LMO7: variants seen among roughly 807,000 people sequenced by gnomAD.
LMO7 encodes LIM domain only protein 7.
LMO7 carries 120 observed loss-of-function variants against 206.5 expected under a neutral mutation model. The observed-to-expected ratio is 0.58, with a 90% CI of 0.50 to 0.68. LMO7 has a LOEUF of 0.68. Ranked by LOEUF, LMO7 falls within the 30% of genes least tolerant of loss-of-function variation. LMO7 has a pLI of 0.00. For synonymous variants in LMO7, 706 were observed against 681.5 expected, an observed-to-expected ratio of 1.04 and a Z score of -0.56; for missense variants, 1,959 against 1,957.9, an observed-to-expected ratio of 1.00 and a Z score of -0.01.
At chr13:75,726,827 T>C (rs959985996) in intron 2 of LMO7, among the ~76,000 whole-genome samples, 2 of 152,130 alleles carry the variant, frequency 1.3e-5, no homozygotes, top group African/African-American at 4.8e-5. Flanking sequence ...ATATAGACTA[T>C]GGAGAACAAC....
At chr13:75,758,464 C>A (rs1273306687) in intron 3 of LMO7, among the ~76,000 whole-genome samples, 2 of 152,166 alleles carry the variant, frequency 1.3e-5, no homozygotes, top group African/African-American at 4.8e-5. Flanking sequence ...CCATGTGTGA[C>A]TTTGTTTACA....
At chr13:75,826,424 G>A (rs975067830) in intron 15 of LMO7, among the ~76,000 whole-genome samples, 4 of 152,156 alleles carry the variant, frequency 2.6e-5, no homozygotes, top group Non-Finnish European at 4.4e-5. Context: ...AGGTGTTAGT[G>A]CATGCTACAC....
chr13:75,703,040 G>A (rs1455720702), intron 1 of LMO7, among the ~76,000 whole-genome samples: 4 of 152,102 alleles, frequency 2.6e-5, no homozygotes, highest in African/African-American at 9.7e-5. Context: ...TTATTCTTGA[G>A]CTACTGACAA....
At chr13:75,719,104 C>T (rs1159342155) in intron 2 of LMO7, among the ~76,000 whole-genome samples, 4 of 151,770 alleles carry the variant, frequency 2.6e-5, no homozygotes, top group African/African-American at 7.3e-5. Context: ...CTCAGCCTCT[C>T]GAGTAGCTGG....
intron 27 of LMO7, among the ~76,000 whole-genome samples, chr13:75,851,773 T>A (rs975492246): frequency 3.3e-5 from 5 of 152,228 alleles, no homozygotes; most frequent in Non-Finnish European, 5.9e-5. Flanking sequence ...ATATGTACTT[T>A]AAGGGAAGTG....
intron 24 of LMO7, 95 bp from the exon 25 acceptor site, chr13:75,842,756 G>A: frequency 1.3e-6 from 1 of 749,046 alleles, no homozygotes; most frequent in African/African-American, 1.7e-5. Context: ...TGCATAAAGA[G>A]GCTAGAATGA....
At chr13:75,708,966 G>C (rs1049502037) in intron 1 of LMO7, among the ~76,000 whole-genome samples, 61 of 150,912 alleles carry the variant, frequency 4.0e-4, no homozygotes, top group African/African-American at 1.4e-3. Context: ...CCCCACAACA[G>C]GCCCCGGTGT....
intron 3 of LMO7, among the ~76,000 whole-genome samples, chr13:75,735,455 T>A (rs2045725158): frequency 6.6e-6 from 1 of 152,014 alleles, no homozygotes; most frequent in African/African-American, 2.4e-5. Context: ...AAATTTAGTT[T>A]TTGAAGTCTG....
rs1593954955 is a variant in LMO7, at chr13:75,636,337, C to G, written c.-321C>G. 5.1e-6 allele frequency: 6 copies of G among 1,186,802 alleles called. No individual in the cohort carries two copies. In the South Asian group the frequency reaches 1.1e-4, roughly 22 times the overall value. 73.5% of individuals were successfully genotyped at this position (1,186,802 alleles called of 1,614,324 possible). Reference sequence around the variant, plus strand: ...CTGCGACTTTTGAAGTCCAAACTGTCGTCGGGGCTGGTGCCGCGCGCTGCC... The same window carrying G: ...CTGCGACTTTTGAAGTCCAAACTGTGGTCGGGGCTGGTGCCGCGCGCTGCC... On this transcript the variant is annotated 5_prime_UTR_variant, in exon 1 of 31. Transcript: ENST00000377534.
At chr13:75,679,669 C>G (rs150291481) in intron 1 of LMO7, among the ~76,000 whole-genome samples, 1 of 152,170 alleles carries the variant, frequency 6.6e-6, no homozygotes, top group Non-Finnish European at 1.5e-5. Context: ...CAGCCTTGAC[C>G]TCCTGGACTT....
At chr13:75,633,221 C>T (rs937586998), upstream of LMO7, among the ~76,000 whole-genome samples, 2 of 152,142 alleles carry the variant, frequency 1.3e-5, no homozygotes, top group African/African-American at 2.4e-5. Flanking sequence ...TTTCTTTCAT[C>T]ATTCCATTTT....
At chr13:75,757,713 G>A (rs999465313) in intron 3 of LMO7, among the ~76,000 whole-genome samples, 1 of 151,982 alleles carries the variant, frequency 6.6e-6, no homozygotes, top group East Asian at 1.9e-4. Flanking sequence ...TTAATTTGTA[G>A]TGTCTCCCTT....
chr13:75,649,348 T>C (rs1008674832), intron 1 of LMO7, among the ~76,000 whole-genome samples: 6 of 152,092 alleles, frequency 3.9e-5, no homozygotes, highest in Non-Finnish European at 8.8e-5. Flanking sequence ...GGGGCGGTGA[T>C]GGTCAAAAAG....
chr13:75,676,096 G>A (rs2039993848), intron 1 of LMO7, among the ~76,000 whole-genome samples: 1 of 152,170 alleles, frequency 6.6e-6, no homozygotes, highest in Admixed American at 6.5e-5. Context: ...AGTATCCTTA[G>A]CATCCTGCCT....
intron 1 of LMO7, among the ~76,000 whole-genome samples, chr13:75,649,294 T>C (rs2037336854): frequency 6.6e-6 from 1 of 152,156 alleles, no homozygotes; most frequent in African/African-American, 2.4e-5. Flanking sequence ...GATTAAGGAT[T>C]GAACTTTGGA....
chr13:75,849,030 A>T (rs1427328208), intron 26 of LMO7, 49 bp from the exon 27 acceptor site: 1 of 1,103,878 alleles, frequency 9.1e-7, no homozygotes. Flanking sequence ...CATCACTGTC[A>T]CTTTTAAAAG....
intron 4 of LMO7, among the ~76,000 whole-genome samples, chr13:75,781,757 G>T (rs1036014000): frequency 3.3e-5 from 5 of 152,086 alleles, no homozygotes; most frequent in African/African-American, 1.2e-4. Flanking sequence ...GTGTAAAAGT[G>T]TTCCTATTTC....
At chr13:75,621,712 T>C in exon 1 of LMO7, 1 of 1,593,528 alleles carries the variant, frequency 6.3e-7, no homozygotes, top group Non-Finnish European at 8.6e-7. Flanking sequence ...AATTAGGATA[T>C]GCCATATTTT....
intron 1 of LMO7, among the ~76,000 whole-genome samples, chr13:75,676,444 G>T (rs1435608368): frequency 6.6e-6 from 1 of 152,150 alleles, no homozygotes; most frequent in Non-Finnish European, 1.5e-5. Context: ...TGAATAACTT[G>T]TAAGTGTCTT....
Sources: allele counts gnomAD v4.1 joint callset (sites outside exome capture counted in the v4.1 genomes callset), GRCh38; gene constraint gnomAD v4.1.1; transcripts MANE v1.5; gene names NCBI Gene and HGNC (gene_info 2026-07-23, HGNC 2026-07-21).